Variants in ENTPD7 observed in about 807,000 individuals in gnomAD.
The protein encoded by ENTPD7 is ectonucleoside triphosphate diphosphohydrolase 7.
ENTPD7 carries 53 observed loss-of-function variants against 77.9 expected under a neutral mutation model. That is an observed-to-expected ratio of 0.68 (90% CI 0.55 to 0.85). The LOEUF (loss-of-function observed/expected upper bound fraction) is 0.85, where lower values mean the gene tolerates loss of function less well. Ranked by LOEUF, ENTPD7 falls within the 40% of genes least tolerant of loss-of-function variation. The pLI is 0.00. For synonymous variants in ENTPD7, 248 were observed against 274.9 expected (o/e 0.90, Z 0.97); for missense variants, 636 against 743.7 (o/e 0.86, Z 1.68).
intron 2 of ENTPD7, among the ~76,000 whole-genome samples, chr10:99,660,643 G>A (rs1432864919): frequency 6.6e-6 from 1 of 151,988 alleles, no homozygotes; most frequent in Non-Finnish European, 1.5e-5. Context: ...ACACAGCAAC[G>A]GCCAGGTGCA....
intron 11 of ENTPD7, 82 bp from the exon 12 acceptor site, chr10:99,702,430 G>A (rs2036157150): frequency 6.5e-6 from 8 of 1,225,240 alleles, no homozygotes; most frequent in Non-Finnish European, 8.8e-6. Flanking sequence ...ATAACTTGTG[G>A]GAATACGGAG....
intron 3 of ENTPD7, among the ~76,000 whole-genome samples, chr10:99,673,591 C>A (rs2035642209): frequency 6.6e-6 from 1 of 152,138 alleles, no homozygotes; most frequent in Non-Finnish European, 1.5e-5. Context: ...CTTTAGTGAT[C>A]AAAGGTCAGC....
Position 99,691,238 on chromosome 10 carries a change from C to T in ENTPD7, c.710-147C>T. The T allele has an allele frequency of 3.8e-6, 3 of 781,190 alleles. No homozygotes were observed. In the Admixed American group the frequency reaches 8.7e-5, roughly 23 times the overall value. The allele number at this position is 781,190 out of a possible 1,614,324, so 48.4% of individuals were successfully genotyped here. Reference sequence around the variant, plus strand: ...AACTCCTCGGCTCACATAATCCTCCCACCTTGGCCTCCCAGTGTTTTGGGA... The same window carrying T: ...AACTCCTCGGCTCACATAATCCTCCTACCTTGGCCTCCCAGTGTTTTGGGA... On this transcript the variant is annotated intron_variant, in intron 7 of 12. Transcript: ENST00000370489.
chr10:99,680,247 G>A lies in ENTPD7; in HGVS notation c.548+372G>A, dbSNP rs367718403. On this transcript the variant is annotated intron_variant, in intron 5 of 12. Coordinates refer to ENST00000370489, the MANE Select transcript of ENTPD7 (RefSeq NM_020354.5). ...TTCTGTAACTCTGCCTAGAACCCTG[G>A]CAATAACTGGGGGAGTCCCTCTTCT... Among the ~76,000 whole-genome samples, 29 of 152,286 alleles carry A rather than the reference G, an allele frequency of 1.9e-4. No individual in the cohort carries two copies. The South Asian group carries it at 5.2e-3, about 27-fold the overall frequency.
rs2036346586 is a variant in ENTPD7, at chr10:99,710,482, C to T, written c.*5799C>T. 1 of 985,262 alleles carries T rather than the reference C, an allele frequency of 1.0e-6. No individual in the cohort carries two copies. Among genetic ancestry groups the T allele is most frequent in the Non-Finnish European group, 1.2e-6 (1 of 829,932 alleles). The allele number at this position is 985,262 out of a possible 1,614,324, so 61.0% of individuals were successfully genotyped here. A position where few individuals can be genotyped will look rare whatever the true frequency, so the allele number is the denominator to read the frequency against. On this transcript the variant is annotated 3_prime_UTR_variant, in exon 13 of 13. Coordinates refer to ENST00000370489, the MANE Select transcript of ENTPD7 (RefSeq NM_020354.5). ...AAAAAACCAAAGGCTGCCTGTATTA[C>T]ATTGCTTTGGGGAGTTGTTAAGACT...
At position 99,710,588 on chromosome 10, in the gene ENTPD7, G is replaced by T; in HGVS notation, c.*5905G>T. The T allele has an allele frequency of 1.0e-6, 1 of 985,358 alleles. No homozygotes were observed. 61.0% of individuals were successfully genotyped at this position (985,358 alleles called of 1,614,324 possible). ...AAAATTCTCACTGACAAACATTTTA[G>T]GTCAGTGTTGAGGAAAATGTGTGAT... On this transcript the variant is annotated 3_prime_UTR_variant, in exon 13 of 13. Transcript: ENST00000370489.
At position 99,679,297 on chromosome 10, in the gene ENTPD7, C is replaced by T. The variant is rs746016879; in HGVS notation, c.228C>T (p.Asp76=). ...GAGTAGGGGAGCTTGAAGCTACTGA[C>T]ACTGAAGACCCAAATCTGAATTATG... ...LARVGELEAT[D]TEDPNLNYGL... The change falls in exon 4 of 13, where the codon GAC becomes GAT. Residue 76 remains aspartate, a synonymous_variant. Coordinates refer to ENST00000370489, the MANE Select transcript of ENTPD7 (RefSeq NM_020354.5). 6 of 1,614,060 alleles carry T rather than the reference C, an allele frequency of 3.7e-6. No homozygotes were observed. Among genetic ancestry groups the T allele is most frequent in the African/African-American group, 1.3e-5 (1 of 74,914 alleles).
intron 7 of ENTPD7, among the ~76,000 whole-genome samples, 173 bp downstream of exon 7, chr10:99,688,923 T>C (rs1165152638): frequency 6.6e-6 from 1 of 152,202 alleles, no homozygotes; most frequent in African/African-American, 2.4e-5. Context: ...CTTTTTAATA[T>C]GGAAAGTTTC....
chr10:99,698,969 C>A, intron 10 of ENTPD7, 111 bp downstream of exon 10: 1 of 1,008,462 alleles, frequency 9.9e-7, no homozygotes, highest in Non-Finnish European at 1.4e-6. Flanking sequence ...CTCACTTGTT[C>A]TTTGCAGGAG....
At chr10:99,682,911 T>C (rs766976383) in intron 5 of ENTPD7, among the ~76,000 whole-genome samples, 2 of 152,166 alleles carry the variant, frequency 1.3e-5, no homozygotes, top group Non-Finnish European at 2.9e-5. Context: ...ACTTGGTAGT[T>C]TGGCTACCTT....
chr10:99,688,769 T>G lies in ENTPD7; in HGVS notation c.709+19T>G, dbSNP rs2035844447. ...GAGGATGGTGAGTAATATTGTCTTT[T>G]TATGACAGTTTACCTAAGGGCTGAA... On this transcript the variant is annotated intron_variant, in intron 7 of 12. Coordinates refer to ENST00000370489, the MANE Select transcript of ENTPD7 (RefSeq NM_020354.5). The G allele has an allele frequency of 6.2e-7, 1 of 1,612,716 alleles. No individual in the cohort carries two copies. Among genetic ancestry groups the G allele is most frequent in the Admixed American group, 1.7e-5 (1 of 59,960 alleles).
At chr10:99,683,711 A>G (rs1379910107) in intron 5 of ENTPD7, among the ~76,000 whole-genome samples, 1 of 152,216 alleles carries the variant, frequency 6.6e-6, no homozygotes, top group Admixed American at 6.5e-5. Flanking sequence ...CACATTATAC[A>G]TACTGTTTTG....
chr10:99,690,623 A>G (rs1007124078), intron 7 of ENTPD7, among the ~76,000 whole-genome samples: 1 of 150,384 alleles, frequency 6.6e-6, no homozygotes, highest in Non-Finnish European at 1.5e-5. Context: ...GCTCACTACA[A>G]CCTCCGCCTG....
At chr10:99,702,042 CTG>C in intron 11 of ENTPD7, among the ~76,000 whole-genome samples, 1 of 151,790 alleles carries the variant, frequency 6.6e-6, no homozygotes, top group Non-Finnish European at 1.5e-5. Flanking sequence ...GAGTGAGACT[CTG>C]TCTCAAAAAA....
chr10:99,671,458 C>T (rs1410772668), intron 3 of ENTPD7, among the ~76,000 whole-genome samples: 1 of 152,028 alleles, frequency 6.6e-6, no homozygotes, highest in Non-Finnish European at 1.5e-5. Context: ...AACAGAAACA[C>T]ACACATTAGC....
Position 99,710,915 on chromosome 10 carries a change from G to T in ENTPD7, c.*6232G>T, listed in dbSNP as rs543904506. On this transcript the variant is annotated 3_prime_UTR_variant, in exon 13 of 13. Transcript: ENST00000370489. ...TTTCCTTCATGTTTTAAAAACAATGGACGTAAGTGCAGAGAGACCTTTGAA... is the reference window on the plus strand; with the variant it reads ...TTTCCTTCATGTTTTAAAAACAATGTACGTAAGTGCAGAGAGACCTTTGAA... 1.0e-6 allele frequency: 1 copy of T among 985,286 alleles called. No homozygotes were observed. The highest frequency in any genetic ancestry group is 4.7e-5 in the South Asian group (1 of 21,288). 61.0% of individuals were successfully genotyped at this position (985,286 alleles called of 1,614,324 possible).
chr10:99,684,927 A>G (rs1420366793), intron 5 of ENTPD7, among the ~76,000 whole-genome samples: 1 of 152,220 alleles, frequency 6.6e-6, no homozygotes, highest in East Asian at 1.9e-4. Flanking sequence ...CACAATGAAA[A>G]AAAAATCAAC....
At chr10:99,691,155 T>TA (rs199637784) in intron 7 of ENTPD7, among the ~76,000 whole-genome samples, 1 of 150,840 alleles carries the variant, frequency 6.6e-6, no homozygotes, top group African/African-American at 2.4e-5. Context: ...CCCAGCTAAT[T>TA]AAAAAAAATT....
chr10:99,661,412 T>C (rs1370437292), intron 2 of ENTPD7, 34 bp from the exon 3 acceptor site: 2 of 1,550,066 alleles, frequency 1.3e-6, no homozygotes, highest in Non-Finnish European at 1.7e-6. Context: ...GTTGTAGAAA[T>C]GTTTCAGACT....
Sources: allele counts gnomAD v4.1 joint callset (sites outside exome capture counted in the v4.1 genomes callset), GRCh38; gene constraint gnomAD v4.1.1; transcripts MANE v1.5; gene names NCBI Gene and HGNC (gene_info 2026-07-23, HGNC 2026-07-21).